Variants in HNF4G observed in about 807,000 individuals in gnomAD.
HNF4G encodes hepatocyte nuclear factor 4 gamma.
In HNF4G, 21 loss-of-function variants were observed where a neutral mutation model predicts 50.9. The observed-to-expected ratio is 0.41, with a 90% CI of 0.29 to 0.59. The LOEUF is 0.59. Among genes scored for constraint, HNF4G ranks in the 20% least tolerant of loss-of-function variants. The pLI is 0.26. For synonymous variants in HNF4G, 198 were observed against 185.6 expected, an observed-to-expected ratio of 1.07 and a Z score of -0.54; for missense variants, 527 against 559.4, an observed-to-expected ratio of 0.94 and a Z score of 0.58.
intron 2 of HNF4G, among the ~76,000 whole-genome samples, chr8:75,502,559 C>T (rs2926587): frequency 6.6e-6 from 1 of 151,976 alleles, no homozygotes; most frequent in Admixed American, 6.5e-5. Context: ...ACTAAAACGC[C>T]TCATCCTGTA....
intron 1 of HNF4G, among the ~76,000 whole-genome samples, chr8:75,436,189 A>T (rs1044946264): frequency 1.3e-5 from 2 of 152,204 alleles, no homozygotes; most frequent in African/African-American, 4.8e-5. Context: ...TGTAAATAGG[A>T]GGACACTGTT....
upstream of HNF4G, among the ~76,000 whole-genome samples, chr8:75,537,557 T>C (rs1806500157): frequency 6.6e-6 from 1 of 151,900 alleles, no homozygotes; most frequent in South Asian, 2.1e-4. Flanking sequence ...AAAGACTTTT[T>C]TTTTCCTCCA....
In HNF4G at chr8:75,539,954, T is replaced by C. The variant is rs1806566565; in HGVS notation, c.-9T>C. 1 of 1,242,564 alleles carries C rather than the reference T, an allele frequency of 8.0e-7. No individual in the cohort carries two copies. The highest frequency in any genetic ancestry group is 2.3e-5 in the East Asian group (1 of 43,130). The allele number at this position is 1,242,564 out of a possible 1,614,324, so 77.0% of individuals were successfully genotyped here. A position where few individuals can be genotyped will look rare whatever the true frequency, so the allele number is the denominator to read the frequency against. ...TTGTGGTGCCACTTGTATGTGTGTT[T>C]CTAAATCAATGATGAGGGTATCAGA... On this transcript the variant is annotated 5_prime_UTR_variant, in exon 1 of 10. Transcript: ENST00000396423.
chr8:75,425,406 A>G (rs1189913864), intron 1 of HNF4G, among the ~76,000 whole-genome samples: 1 of 151,472 alleles, frequency 6.6e-6, no homozygotes, highest in Non-Finnish European at 1.5e-5. Context: ...TAAAAAATCA[A>G]CTTATCTAGT....
At chr8:75,468,873 C>G (rs1415627351) in intron 1 of HNF4G, among the ~76,000 whole-genome samples, 2 of 151,596 alleles carry the variant, frequency 1.3e-5, no homozygotes, top group African/African-American at 4.9e-5. Flanking sequence ...TTATGGGAAA[C>G]CAAAGTCTTG....
chr8:75,419,494 G>A (rs755930228), intron 1 of HNF4G, among the ~76,000 whole-genome samples: 15 of 152,184 alleles, frequency 9.9e-5, no homozygotes, highest in Admixed American at 6.5e-4. Flanking sequence ...GACCCATTCC[G>A]AGGGACACTA....
chr8:75,527,602 T>TA (rs974415279), intron 2 of HNF4G, among the ~76,000 whole-genome samples: 5 of 152,254 alleles, frequency 3.3e-5, no homozygotes, highest in Admixed American at 3.3e-4. Flanking sequence ...CAGTATTAGT[T>TA]ACAGTCTCCA....
intron 2 of HNF4G, among the ~76,000 whole-genome samples, chr8:75,508,067 A>G (rs1360977066): frequency 6.6e-6 from 1 of 152,182 alleles, no homozygotes; most frequent in Non-Finnish European, 1.5e-5. Flanking sequence ...AACCGTATCA[A>G]TGGCTAAACA....
At chr8:75,456,775 C>T (rs1811734130) in intron 1 of HNF4G, among the ~76,000 whole-genome samples, 6 of 151,932 alleles carry the variant, frequency 3.9e-5, no homozygotes, top group Admixed American at 3.9e-4. Flanking sequence ...GAGTCTCACT[C>T]TATTGCCTAG....
At chr8:75,412,328 C>G (rs1197136051) in intron 1 of HNF4G, among the ~76,000 whole-genome samples, 1 of 152,124 alleles carries the variant, frequency 6.6e-6, no homozygotes, top group Non-Finnish European at 1.5e-5. Context: ...TATCCCAGAG[C>G]AAGTCATTTA....
chr8:75,523,098 A>T (rs1013788930), intron 2 of HNF4G, among the ~76,000 whole-genome samples: 1 of 151,950 alleles, frequency 6.6e-6, no homozygotes, highest in Non-Finnish European at 1.5e-5. Flanking sequence ...GGTGGCGGGC[A>T]CCTGTAATCG....
At chr8:75,435,386 A>T (rs1044711441) in intron 1 of HNF4G, among the ~76,000 whole-genome samples, 12 of 152,212 alleles carry the variant, frequency 7.9e-5, no homozygotes, top group African/African-American at 2.9e-4. Flanking sequence ...AACAACCTAA[A>T]AATACAAGAG....
intron 1 of HNF4G, among the ~76,000 whole-genome samples, chr8:75,435,488 G>A (rs555389163): frequency 6.6e-6 from 1 of 152,278 alleles, no homozygotes; most frequent in South Asian, 2.1e-4. Flanking sequence ...GTAAATCAAT[G>A]ATGCCTGTTT....
chr8:75,416,649 T>A (rs1810643485), intron 1 of HNF4G, among the ~76,000 whole-genome samples: 1 of 152,246 alleles, frequency 6.6e-6, no homozygotes, highest in Non-Finnish European at 1.5e-5. Context: ...TTTTGTGTGA[T>A]CAGTTCAAAA....
At chr8:75,502,937 T>C (rs2130708808) in intron 2 of HNF4G, among the ~76,000 whole-genome samples, 1 of 152,274 alleles carries the variant, frequency 6.6e-6, no homozygotes, top group South Asian at 2.1e-4. Context: ...CAAAACAAAA[T>C]GCATATTGTA....
chr8:75,521,108 A>G (rs1006047513), intron 2 of HNF4G, among the ~76,000 whole-genome samples: 3 of 152,182 alleles, frequency 2.0e-5, no homozygotes, highest in Non-Finnish European at 1.5e-5. Flanking sequence ...TTTTTAATGG[A>G]AAATAACAAA....
intron 1 of HNF4G, among the ~76,000 whole-genome samples, chr8:75,471,206 G>A (rs1417840772): frequency 6.6e-6 from 1 of 152,132 alleles, no homozygotes; most frequent in East Asian, 1.9e-4. Context: ...AGTTGGTGAT[G>A]AAATCCAAGA....
At chr8:75,501,525 C>T (rs7825759) in intron 2 of HNF4G, among the ~76,000 whole-genome samples, 7,354 of 152,180 alleles carry the variant, frequency 0.048, 199 homozygotes, top group African/African-American at 0.057. Flanking sequence ...CCAAAACACA[C>T]ACATATAGTT....
At chr8:75,461,750 A>G (rs918044056) in intron 1 of HNF4G, among the ~76,000 whole-genome samples, 1 of 151,956 alleles carries the variant, frequency 6.6e-6, no homozygotes, top group Non-Finnish European at 1.5e-5. Context: ...CTATACATAC[A>G]TACTTATCAT....
Sources: gnomAD v4.1 joint callset for allele counts (sites outside exome capture counted in the v4.1 genomes callset) on GRCh38, gnomAD v4.1.1 for gene constraint, MANE v1.5 for transcripts, NCBI Gene and HGNC (gene_info 2026-07-23, HGNC 2026-07-21) for gene names.